Variants in SNED1 observed in about 807,000 individuals in gnomAD.
SNED1 encodes the protein sushi, nidogen and EGF like domains 1.
In SNED1, 81 loss-of-function variants were observed where a neutral mutation model predicts 166.7. The observed-to-expected ratio is 0.49, with a 90% CI of 0.41 to 0.58. The LOEUF (loss-of-function observed/expected upper bound fraction) is 0.58. Among genes scored for constraint, SNED1 ranks in the 20% least tolerant of loss-of-function variants. The pLI is 0.00. For synonymous variants in SNED1, 762 were observed against 822.0 expected, an observed-to-expected ratio of 0.93 and a Z score of 1.25; for missense variants, 1,604 against 2,000.2, an observed-to-expected ratio of 0.80 and a Z score of 3.78.
At position 241,013,919 on chromosome 2, in the gene SNED1, A is replaced by G. The variant is rs116783802; in HGVS notation, c.213+14869A>G. Among the ~76,000 whole-genome samples, 510 of 152,220 alleles carry G rather than the reference A, an allele frequency of 3.4e-3. 4 individuals carry two copies. Among genetic ancestry groups the G allele is most frequent in the African/African-American group, 0.012 (499 of 41,520 alleles). The stretch of plus-strand genomic sequence containing the variant: ...ATACTGGTTTCATTTCATTGGGTAT[A>G]TACTCAGAAGTGGGATTGCTAGGCC... On this transcript the variant is annotated intron_variant, in intron 1 of 31. Coordinates refer to ENST00000310397, the MANE Select transcript of SNED1 (RefSeq NM_001080437.3). The surrounding 1 kb of genome is among the most constrained non-coding windows in gnomAD (Gnocchi z 4.6).
intron 1 of SNED1, among the ~76,000 whole-genome samples, chr2:241,008,349 C>T (rs886161481): frequency 1.3e-5 from 2 of 152,242 alleles, no homozygotes; most frequent in Non-Finnish European, 2.9e-5. Context: ...AGGCTCCAGT[C>T]TCCTCCTGCC....
chr2:241,077,531 G>A (rs1427827035), intron 27 of SNED1, among the ~76,000 whole-genome samples: 3 of 152,036 alleles, frequency 2.0e-5, no homozygotes, highest in Admixed American at 6.6e-5. Flanking sequence ...TCAGAGACCC[G>A]CGTCTAAAAT....
rs987627444 is a variant in SNED1 at position 241,078,307 on chromosome 2, C to T, written c.3917-3370C>T. The stretch of plus-strand genomic sequence containing the variant: ...CTGAGGCAGGAGAATCGCTTGAACC[C>T]GGGAGGTGGAGTTTGCAGTGAGGTG... On this transcript the variant is annotated intron_variant, in intron 27 of 31. Transcript: ENST00000310397. Among the ~76,000 whole-genome samples, 9 of 150,122 alleles carry T rather than the reference C, an allele frequency of 6.0e-5. No homozygotes were observed. In the East Asian group the frequency reaches 1.8e-3, roughly 29 times the overall value.
chr2:241,058,174 C>T (rs566770672), intron 16 of SNED1, among the ~76,000 whole-genome samples: 7 of 152,100 alleles, frequency 4.6e-5, no homozygotes, highest in East Asian at 1.9e-4. Context: ...GAGTATAAGA[C>T]GAAAAGCATC....
chr2:241,073,481 T>G lies in SNED1; in HGVS notation c.3916+117T>G, dbSNP rs1230712061. Reference sequence around the variant, plus strand: ...GGAATCAGGAGGCACAGAGCCTACCTGAGGGGAGGCTGAGCACCAGGCACC... The same window carrying G: ...GGAATCAGGAGGCACAGAGCCTACCGGAGGGGAGGCTGAGCACCAGGCACC... On this transcript the variant is annotated intron_variant, in intron 27 of 31. Coordinates refer to ENST00000310397, the MANE Select transcript of SNED1 (RefSeq NM_001080437.3). The surrounding 1 kb of genome is among the most constrained non-coding windows in gnomAD (Gnocchi z 6.6). 3.5e-6 allele frequency: 3 copies of G among 849,094 alleles called. No homozygotes were observed. Among genetic ancestry groups the G allele is most frequent in the South Asian group, 2.9e-5 (2 of 68,346 alleles). The allele number at this position is 849,094 out of a possible 1,614,324, so 52.6% of individuals were successfully genotyped here.
chr2:241,070,071 C>T lies in SNED1; in HGVS notation c.3459C>T (p.Asn1153=), dbSNP rs367610382. Residue 1153 remains asparagine, a synonymous_variant, in exon 24 of 32, where the codon AAC becomes AAT. Coordinates refer to ENST00000310397, the MANE Select transcript of SNED1 (RefSeq NM_001080437.3). ...SQSTKSRYVP[N]GKLASYTVRD... Reference sequence around the variant, plus strand: ...GCACCAAGAGCCGCTATGTCCCCAACGGGAAGCTGGCGTCCTACACGGTGC... The same window carrying T: ...GCACCAAGAGCCGCTATGTCCCCAATGGGAAGCTGGCGTCCTACACGGTGC... 9.9e-6 allele frequency: 16 copies of T among 1,612,980 alleles called. No individual in the cohort carries two copies. The highest frequency in any genetic ancestry group is 1.3e-5 in the Non-Finnish European group (15 of 1,179,900).
intron 16 of SNED1, among the ~76,000 whole-genome samples, chr2:241,058,881 C>T (rs190105485): frequency 3.0e-3 from 457 of 151,648 alleles, no homozygotes; most frequent in African/African-American, 0.01. Flanking sequence ...ACCTGGGAGG[C>T]GGAGCTTGCA....
chr2:241,081,297 C>T (rs1356767909), intron 27 of SNED1, among the ~76,000 whole-genome samples: 2 of 144,294 alleles, frequency 1.4e-5, no homozygotes, highest in Non-Finnish European at 3.1e-5. Flanking sequence ...CAGCAGAAAC[C>T]GTGTTCAGGG....
rs1559298598 is a variant in SNED1 at position 241,073,259 on chromosome 2, C to G, written c.3818-7C>G. 1 of 1,553,226 alleles carries G rather than the reference C, an allele frequency of 6.4e-7. No individual in the cohort carries two copies. The highest frequency in any genetic ancestry group is 8.7e-7 in the Non-Finnish European group (1 of 1,148,488). On this transcript the variant is annotated splice_polypyrimidine_tract_variant and splice_region_variant and intron_variant, in intron 26 of 31. Transcript: ENST00000310397. This position sits in a 1 kb window ranked among gnomAD's most constrained non-coding sequence, Gnocchi z 6.6. ...GCGCCGTGTGGTCACCGCCTGGCTTCTCCTAGAACCCACAGCCTCGGCGCA... is the reference window on the plus strand; with the variant it reads ...GCGCCGTGTGGTCACCGCCTGGCTTGTCCTAGAACCCACAGCCTCGGCGCA...
At chr2:241,052,201 C>T (rs1223614654) in intron 14 of SNED1, 44 bp downstream of exon 14, 2 of 1,553,900 alleles carry the variant, frequency 1.3e-6, no homozygotes, top group South Asian at 2.2e-5. Flanking sequence ...AGGGGTGAAC[C>T]CTCTCTGCAG....
chr2:241,090,994 A>G (rs1222822513), intron 31 of SNED1, among the ~76,000 whole-genome samples: 1 of 152,210 alleles, frequency 6.6e-6, no homozygotes, highest in Non-Finnish European at 1.5e-5. Flanking sequence ...TACTAGGATT[A>G]AGAATCCACA....
intron 15 of SNED1, among the ~76,000 whole-genome samples, chr2:241,052,789 C>T (rs1405925882): frequency 9.2e-6 from 1 of 109,192 alleles, no homozygotes; most frequent in Non-Finnish European, 1.6e-5. Flanking sequence ...TGGTGTCAGG[C>T]AGGTAAGGCC....
chr2:241,078,513 C>T (rs988109019), intron 27 of SNED1, among the ~76,000 whole-genome samples: 2 of 151,578 alleles, frequency 1.3e-5, no homozygotes, highest in Admixed American at 6.6e-5. Context: ...ATCTTGAAAA[C>T]ATGCTAAGTG....
chr2:241,052,191 A>G, intron 14 of SNED1, 34 bp downstream of exon 14: 6 of 1,574,838 alleles, frequency 3.8e-6, no homozygotes, highest in Non-Finnish European at 5.2e-6. Context: ...CAGGGCGGCC[A>G]GGGGTGAACC....
In SNED1 at chr2:241,033,816, AC is replaced by A; in HGVS notation, c.584del (p.Thr195LysfsTer118). 1 of 1,610,696 alleles carries A rather than the reference AC, an allele frequency of 6.2e-7. No individual in the cohort carries two copies. Among genetic ancestry groups the A allele is most frequent in the Non-Finnish European group, 8.5e-7 (1 of 1,179,056 alleles). The stretch of plus-strand genomic sequence containing the variant: ...CAACTATGAGTCCATCGTGTGGACC[AC>A]AGGCACACACGCCAGCAGCGGGGGC... ...IFNYESIVWT[T>X]GTHASSGGNA... On this transcript the variant is annotated frameshift_variant, in exon 3 of 32. Transcript: ENST00000310397. LOFTEE classifies it high-confidence loss of function.
intron 16 of SNED1, among the ~76,000 whole-genome samples, chr2:241,057,380 A>T (rs1053502445): frequency 1.0e-4 from 12 of 118,114 alleles, no homozygotes; most frequent in Admixed American, 1.7e-4. Flanking sequence ...TCCATCTCAA[A>T]ATATATATAT....
chr2:241,063,866 G>T, intron 18 of SNED1, 146 bp from the exon 19 acceptor site: 1 of 735,962 alleles, frequency 1.4e-6, no homozygotes, highest in East Asian at 2.7e-5. Context: ...GGGTGCTGGG[G>T]AGGGCTGAGG....
At chr2:241,019,186 C>T (rs1457015277) in intron 1 of SNED1, among the ~76,000 whole-genome samples, 1 of 150,866 alleles carries the variant, frequency 6.6e-6, no homozygotes, top group African/African-American at 2.4e-5. Context: ...AGCACATGCC[C>T]ATGGTGTGTG....
rs2063051496 is a variant in SNED1, at chr2:241,076,940, A to G, written c.3916+3576A>G. On this transcript the variant is annotated intron_variant, in intron 27 of 31. Coordinates refer to ENST00000310397, the MANE Select transcript of SNED1 (RefSeq NM_001080437.3). ...TAAAAATACAAAAAATTAGCTGGGC[A>G]TGGTGGCGGGCGCCTGTGGTCCCAG... Among the ~76,000 whole-genome samples the G allele has an allele frequency of 2.0e-5, 3 of 152,140 alleles. No homozygotes were observed. The South Asian group carries it at 6.2e-4, about 32-fold the overall frequency.
Sources: allele counts gnomAD v4.1 joint callset (sites outside exome capture counted in the v4.1 genomes callset), GRCh38; gene constraint gnomAD v4.1.1; non-coding constraint Gnocchi (gnomAD v3.1); transcripts MANE v1.5; gene names NCBI Gene and HGNC (gene_info 2026-07-23, HGNC 2026-07-21).